The following GGCX variants were observed in gnomAD, a reference collection of about 807,000 sequenced individuals.
The protein encoded by GGCX is gamma-glutamyl carboxylase, also known as vitamin K-dependent gamma-carboxylase.
In GGCX, 63 loss-of-function variants were observed where a neutral mutation model predicts 88.5. That is an observed-to-expected ratio of 0.71 (90% CI 0.58 to 0.88). The LOEUF (loss-of-function observed/expected upper bound fraction) is 0.88. Ranked by LOEUF, GGCX falls within the 40% of genes least tolerant of loss-of-function variation. The pLI, the probability that GGCX is intolerant of heterozygous loss-of-function variation, is 0.00. For missense variants in GGCX, 805 were observed against 932.9 expected, an observed-to-expected ratio of 0.86 and a Z score of 1.79; for synonymous variants, 368 against 365.8, an observed-to-expected ratio of 1.01 and a Z score of -0.07.
chr2:85,551,102 C>A (rs1046925963), intron 12 of GGCX, 30 bp from the exon 13 acceptor site: 10 of 1,609,250 alleles, frequency 6.2e-6, no homozygotes, highest in Admixed American at 3.3e-5. Flanking sequence ...GGATAAATTT[C>A]ATCAGCTTTT....
rs886056377 is a variant in GGCX at position 85,549,664 on chromosome 2, A to C, written c.*270T>G. ...GCGTGAGCCACGGCACCCAGCCCCCAAAAAGCCACTTTAAACCTTATCCTA... is the reference window on the plus strand; with the variant it reads ...GCGTGAGCCACGGCACCCAGCCCCCCAAAAGCCACTTTAAACCTTATCCTA... On this transcript the variant is annotated 3_prime_UTR_variant, in exon 15 of 15. Transcript: ENST00000233838. 2.9e-4 allele frequency: 124 copies of C among 429,794 alleles called. No individual in the cohort carries two copies. Among genetic ancestry groups the C allele is most frequent in the Non-Finnish European group, 5.1e-4 (119 of 233,086 alleles). The allele number at this position is 429,794 out of a possible 1,614,324, so 26.6% of individuals were successfully genotyped here.
At position 85,561,454 on chromosome 2, in the gene GGCX, C is replaced by G; in HGVS notation, c.-26G>C. On this transcript the variant is annotated 5_prime_UTR_variant, in exon 1 of 15. Coordinates refer to ENST00000233838, the MANE Select transcript of GGCX (RefSeq NM_000821.7). ...TGCTCTGCGGAGGAGGCAGGTGGGT[C>G]ACAGCTGCCGCGTCTGAACGGAGGC... 6.4e-7 allele frequency: 1 copy of G among 1,551,260 alleles called. No individual in the cohort carries two copies. Among genetic ancestry groups the G allele is most frequent in the African/African-American group, 1.3e-5 (1 of 74,296 alleles).
At chr2:85,552,705 A>T in intron 9 of GGCX, 138 bp from the exon 10 acceptor site, 1 of 1,031,036 alleles carries the variant, frequency 9.7e-7, no homozygotes, top group Non-Finnish European at 1.5e-6. Context: ...TTTGGGAATG[A>T]ATTTTTCATT....
In GGCX at chr2:85,553,234, G is replaced by T; in HGVS notation, c.1153C>A (p.Gln385Lys). 2 of 1,614,204 alleles carry T rather than the reference G, an allele frequency of 1.2e-6. No individual in the cohort carries two copies. Among genetic ancestry groups the T allele is most frequent in the Non-Finnish European group, 1.7e-6 (2 of 1,179,992 alleles). ...LFLPYSHFLT[Q>K]GYNNWTNGLY... Reference sequence around the variant, plus strand: ...TACACTCCACAGCCCCTACAAACCTGGGTGAGAAAATGAGAATAGGGCAGG... The same window carrying T: ...TACACTCCACAGCCCCTACAAACCTTGGTGAGAAAATGAGAATAGGGCAGG... Residue 385 changes from glutamine (Q) to lysine (K), a missense_variant and splice_region_variant, in exon 8 of 15, where the codon CAG becomes AAG. Gln to Lys is a moderately conservative substitution (Grantham distance 53). This residue lies in a region of GGCX where 680 missense variants were observed against 763.7 expected (regional missense o/e 0.89). Transcript: ENST00000233838.
rs767725484 is a variant in GGCX at position 85,550,706 on chromosome 2, C to T, written c.1933G>A (p.Glu645Lys). Residue 645 changes from glutamate to lysine, a missense_variant, in exon 14 of 15, where the codon GAA (glutamate) becomes AAA (lysine). Glu to Lys is a moderately conservative substitution (Grantham distance 56). Coordinates refer to ENST00000233838, the MANE Select transcript of GGCX (RefSeq NM_000821.7). ...PPELQPLLEG[E>K]VKGGPEPTPL... Reference sequence around the variant, plus strand: ...GTTGGCTCAGGGCCCCCTTTTACTTCCCCTTCCAACAGAGGCTGCAGCTCT... The same window carrying T: ...GTTGGCTCAGGGCCCCCTTTTACTTTCCCTTCCAACAGAGGCTGCAGCTCT... 1 of 1,614,054 alleles carries T rather than the reference C, an allele frequency of 6.2e-7. No homozygotes were observed. Among genetic ancestry groups the T allele is most frequent in the African/African-American group, 1.3e-5 (1 of 74,940 alleles).
chr2:85,558,763 A>T, intron 3 of GGCX, 154 bp downstream of exon 3: 1 of 866,210 alleles, frequency 1.2e-6, no homozygotes, highest in Non-Finnish European at 1.9e-6. Context: ...AAAAAGAATT[A>T]TGGGATCACA....
chr2:85,554,454 T>TTTGTTGTTGTTGTTGTTGTTGTTG (rs60769490), intron 6 of GGCX, 148 bp from the exon 7 acceptor site: 9 of 645,712 alleles, frequency 1.4e-5, no homozygotes, highest in African/African-American at 9.3e-5. Flanking sequence ...CTCTAGGTTG[T>TTTGTTGTTGTTGTTGTTGTTGTTG]TTGTTGTTGT....
chr2:85,561,420 C>G lies in GGCX; in HGVS notation c.9G>C (p.Val3=). 6.4e-7 allele frequency: 1 copy of G among 1,573,580 alleles called. No individual in the cohort carries two copies. The highest frequency in any genetic ancestry group is 8.6e-7 in the Non-Finnish European group (1 of 1,160,144). The change falls in exon 1 of 15, where the codon GTG becomes GTC. Residue 3 remains valine (V), a synonymous_variant. Transcript: ENST00000233838. MA[V]SAGSARTSPS... ...GCGAGGTCCGCGCGGACCCGGCAGA[C>G]ACCGCCATTGCTCTGCGGAGGAGGC...
At chr2:85,559,324 C>T (rs1692337730) in intron 2 of GGCX, among the ~76,000 whole-genome samples, 2 of 152,156 alleles carry the variant, frequency 1.3e-5, no homozygotes, top group South Asian at 4.1e-4. Flanking sequence ...CATCACAGGA[C>T]TACAGAGAGG....
chr2:85,552,954 G>C lies in GGCX; in HGVS notation c.1272C>G (p.Gly424=). The change falls in exon 9 of 15, where the codon GGC becomes GGG. Residue 424 remains glycine, a synonymous_variant. Coordinates refer to ENST00000233838, the MANE Select transcript of GGCX (RefSeq NM_000821.7). ...TYRDGRTGEL[G]YLNPGVFTQS... Reference sequence around the variant, plus strand: ...GACATCTCACCCCAGGGTTAAGGTAGCCCAGTTCGCCAGTGCGGCCATCAC... The same window carrying C: ...GACATCTCACCCCAGGGTTAAGGTACCCCAGTTCGCCAGTGCGGCCATCAC... The C allele has an allele frequency of 6.2e-7, 1 of 1,614,198 alleles. No homozygotes were observed. The highest frequency in any genetic ancestry group is 8.5e-7 in the Non-Finnish European group (1 of 1,179,984).
Position 85,545,729 on chromosome 2 carries a change from A to G in GGCX, c.*4205T>C, listed in dbSNP as rs575928369. The G allele has an allele frequency of 3.4e-5, 5 of 147,564 alleles. No individual in the cohort carries two copies. The highest frequency in any genetic ancestry group is 1.3e-4 in the Admixed American group (2 of 15,148). 9.1% of individuals were successfully genotyped at this position (147,564 alleles called of 1,614,324 possible). ...TGAAGGCATAAAAACCGCTAAAAGT[A>G]TTAACCTGGAAGTGGTAATGTCTAT... On this transcript the variant is annotated 3_prime_UTR_variant, in exon 15 of 15. Transcript: ENST00000233838.
Position 85,555,604 on chromosome 2 carries a change from G to A in GGCX, c.619-14C>T. 7.4e-7 allele frequency: 1 copy of A among 1,352,290 alleles called. No homozygotes were observed. Among genetic ancestry groups the A allele is most frequent in the Non-Finnish European group, 1.1e-6 (1 of 940,896 alleles). 83.8% of individuals were successfully genotyped at this position (1,352,290 alleles called of 1,614,324 possible). A position where few individuals can be genotyped will look rare whatever the true frequency, so the allele number is the denominator to read the frequency against. ...CACAATGAAGATCTGAAAATAAAAT[G>A]TGACACAAAGTTCAAGCAAAAAGAA... On this transcript the variant is annotated splice_polypyrimidine_tract_variant and intron_variant, in intron 5 of 14. Coordinates refer to ENST00000233838, the MANE Select transcript of GGCX (RefSeq NM_000821.7).
rs1691652524 is a variant in GGCX, at chr2:85,546,166, TATATAGTAATATAGGC to T, written c.*3752_*3767del. ...CGGAGTGGCCTGTAATATAGGCCAC[TATATAGTAATATAGGC>T]GTGAGCCTATAATCCTAGCACTTTG... On this transcript the variant is annotated 3_prime_UTR_variant, in exon 15 of 15. Coordinates refer to ENST00000233838, the MANE Select transcript of GGCX (RefSeq NM_000821.7). The T allele has an allele frequency of 6.6e-6, 1 of 152,200 alleles. No homozygotes were observed. Among genetic ancestry groups the T allele is most frequent in the African/African-American group, 2.4e-5 (1 of 41,440 alleles). 9.4% of individuals were successfully genotyped at this position (152,200 alleles called of 1,614,324 possible). A position where few individuals can be genotyped will look rare whatever the true frequency, so the allele number is the denominator to read the frequency against.
At position 85,545,899 on chromosome 2, in the gene GGCX, T is replaced by A. The variant is rs1691639399; in HGVS notation, c.*4035A>T. 6.6e-6 allele frequency: 1 copy of A among 152,228 alleles called. No individual in the cohort carries two copies. Among genetic ancestry groups the A allele is most frequent in the Non-Finnish European group, 1.5e-5 (1 of 68,032 alleles). 9.4% of individuals were successfully genotyped at this position (152,228 alleles called of 1,614,324 possible). On this transcript the variant is annotated 3_prime_UTR_variant, in exon 15 of 15. Coordinates refer to ENST00000233838, the MANE Select transcript of GGCX (RefSeq NM_000821.7). ...TCTTGCAGAGATAAATAATGCAAAT[T>A]AGCTGAAAATGCTATAAATTTCCAA...
chr2:85,553,284 A>G lies in GGCX; in HGVS notation c.1103T>C (p.Leu368Pro). The change falls in exon 8 of 15, where the codon CTG becomes CCG. Residue 368 changes from leucine to proline, a missense_variant. Transcript: ENST00000233838. The part of the protein sequence containing the change: ...LRHQLGAAFT[L>P]LYLLEQLFLP... ...GAATAGCTGCTCCAGGAGGTAGAGC[A>G]GGGTGAAGGCAGCTCCCAGCTGATG... The G allele has an allele frequency of 1.2e-6, 2 of 1,614,224 alleles. No individual in the cohort carries two copies. Among genetic ancestry groups the G allele is most frequent in the South Asian group, 2.2e-5 (2 of 91,090 alleles).
At chr2:85,561,307 T>G (rs1573334536) in intron 1 of GGCX, 79 bp downstream of exon 1, 2 of 421,410 alleles carry the variant, frequency 4.7e-6, no homozygotes, top group South Asian at 2.2e-5. Context: ...CGGGAGACAC[T>G]GGGCGTCCTC....
chr2:85,553,443 C>T lies in GGCX; in HGVS notation c.944G>A (p.Trp315Ter), dbSNP rs564812596. 37 of 1,613,818 alleles carry T rather than the reference C, an allele frequency of 2.3e-5. No individual in the cohort carries two copies. Among genetic ancestry groups the T allele is most frequent in the Non-Finnish European group, 3.1e-5 (37 of 1,179,952 alleles). Residue 315 changes from tryptophan to a stop codon, truncating the protein, a stop_gained, in exon 8 of 15, where the codon TGG becomes TAG. Transcript: ENST00000233838. LOFTEE classifies it high-confidence loss of function. ...ASSPLFCSPEWPRKLVSYCPR... is the reference protein window; with the variant it reads ...ASSPLFCSPE ...GCAGTAGGACACCAGCTTCCGAGGC[C>T]ACTCAGGGGAGCAGAAGAGAGGGCT...
At chr2:85,555,898 C>G (rs1692185316) in intron 5 of GGCX, among the ~76,000 whole-genome samples, 1 of 152,202 alleles carries the variant, frequency 6.6e-6, no homozygotes, top group African/African-American at 2.4e-5. Flanking sequence ...GCGACAGTAT[C>G]AGGCACCAAG....
rs552612956 is a variant in GGCX, at chr2:85,546,266, C to G, written c.*3668G>C. 1 of 152,332 alleles carries G rather than the reference C, an allele frequency of 6.6e-6. No individual in the cohort carries two copies. Among genetic ancestry groups the G allele is most frequent in the Non-Finnish European group, 1.5e-5 (1 of 68,086 alleles). 9.4% of individuals were successfully genotyped at this position (152,332 alleles called of 1,614,324 possible). ...TGGCTAACACAGTGAAACCCTGTCT[C>G]TACTAAAAATATAAAAAAGTTAGCC... On this transcript the variant is annotated 3_prime_UTR_variant, in exon 15 of 15. Coordinates refer to ENST00000233838, the MANE Select transcript of GGCX (RefSeq NM_000821.7).
Sources: allele counts gnomAD v4.1 joint callset (sites outside exome capture counted in the v4.1 genomes callset), GRCh38; gene constraint gnomAD v4.1.1; regional missense constraint gnomAD v4.1.1; transcripts MANE v1.5; gene names NCBI Gene and HGNC (gene_info 2026-07-23, HGNC 2026-07-21).